The following TMF1 variants were observed in gnomAD, a reference collection of about 807,000 sequenced individuals.
The protein encoded by TMF1 is TATA element modulatory factor.
In TMF1, 71 loss-of-function variants were observed where a neutral mutation model predicts 126.5. The observed-to-expected ratio is 0.56, with a 90% CI of 0.46 to 0.68. The LOEUF (loss-of-function observed/expected upper bound fraction) is 0.68. Ranked by LOEUF, TMF1 falls within the 30% of genes least tolerant of loss-of-function variation. The pLI is 0.00. For missense variants in TMF1, 1,259 were observed against 1,253.2 expected (o/e 1.00, Z -0.07); for synonymous variants, 461 against 430.5 (o/e 1.07, Z -0.88).
chr3:69,032,257 A>G (rs1181989542), intron 10 of TMF1, among the ~76,000 whole-genome samples: 1 of 152,170 alleles, frequency 6.6e-6, no homozygotes, highest in Non-Finnish European at 1.5e-5. Flanking sequence ...TCACTAATCT[A>G]GTTCACCCCC....
intron 9 of TMF1, 45 bp downstream of exon 9, chr3:69,034,978 A>G: frequency 2.3e-5 from 35 of 1,518,934 alleles, no homozygotes; most frequent in Non-Finnish European, 3.2e-5. Context: ...TTTCTAGAAA[A>G]ACACATACTT....
chr3:69,020,424 T>C lies in TMF1; in HGVS notation c.*2753A>G, dbSNP rs1559626482. 6.6e-6 allele frequency: 1 copy of C among 152,174 alleles called. No individual in the cohort carries two copies. The highest frequency in any genetic ancestry group is 1.5e-5 in the Non-Finnish European group (1 of 68,000). The allele number at this position is 152,174 out of a possible 1,614,324, so 9.4% of individuals were successfully genotyped here. A position where few individuals can be genotyped will look rare whatever the true frequency, so the allele number is the denominator to read the frequency against. On this transcript the variant is annotated 3_prime_UTR_variant, in exon 17 of 17. Coordinates refer to ENST00000398559, the MANE Select transcript of TMF1 (RefSeq NM_007114.3). The stretch of plus-strand genomic sequence containing the variant: ...AAGGACATCTACAGTCTGTGCTTAA[T>C]TGTCTATAAATGACCAAACAACCTT...
chr3:69,044,026 A>G (rs924887870), intron 3 of TMF1, 150 bp from the exon 4 acceptor site: 1 of 521,388 alleles, frequency 1.9e-6, no homozygotes, highest in East Asian at 3.5e-5. Context: ...TTTAAGAAAA[A>G]AAAAGGAAAT....
rs922754371 is a variant in TMF1 at position 69,052,232 on chromosome 3, G to A, written c.-146C>T. ...GGCCATTACCCCGACAGCCTCCCGC[G>A]AGCCCGGGATGTTACCCTCGGCCGT... On this transcript the variant is annotated 5_prime_UTR_variant, in exon 1 of 17. Transcript: ENST00000398559. 1.2e-5 allele frequency: 11 copies of A among 892,750 alleles called. No individual in the cohort carries two copies. Among genetic ancestry groups the A allele is most frequent in the South Asian group, 1.9e-5 (1 of 53,370 alleles). The allele number at this position is 892,750 out of a possible 1,614,324, so 55.3% of individuals were successfully genotyped here.
In TMF1 at chr3:69,048,551, G is replaced by A; in HGVS notation, c.154C>T (p.Pro52Ser). The change falls in exon 2 of 17, where the codon CCT (proline) becomes TCT (serine). Residue 52 changes from proline to serine, a missense_variant. Transcript: ENST00000398559. The stretch of plus-strand genomic sequence containing the variant: ...GAAGTATCCCATCCTCCACTGACAG[G>A]GGAACTTATTCCTTTAACAAAAAAG... The part of the protein sequence containing the change: ...IPYGEPGISS[P>S]VSGGWDTSTW... 1.3e-6 allele frequency: 2 copies of A among 1,586,736 alleles called. No individual in the cohort carries two copies. Among genetic ancestry groups the A allele is most frequent in the Non-Finnish European group, 1.7e-6 (2 of 1,167,724 alleles).
intron 8 of TMF1, among the ~76,000 whole-genome samples, chr3:69,037,478 A>G (rs898648435): frequency 3.3e-5 from 5 of 149,664 alleles, no homozygotes; most frequent in Non-Finnish European, 5.9e-5. Flanking sequence ...CGTCTCTACT[A>G]AAAAAAAACA....
In TMF1 at chr3:69,047,656, C is replaced by A; in HGVS notation, c.1049G>T (p.Gly350Val). Residue 350 changes from glycine (G) to valine (V), a missense_variant, in exon 2 of 17, where the codon GGC becomes GTC. By Grantham distance (109) the Gly-to-Val change is moderately radical. Coordinates refer to ENST00000398559, the MANE Select transcript of TMF1 (RefSeq NM_007114.3). Reference protein sequence around the residue: ...SEINSDDELSGKGYALVPIIV... With the variant: ...SEINSDDELSVKGYALVPIIV... ...AATAGGCACTAAAGCATATCCCTTG[C>A]CTGACAATTCATCATCTGAATTGAT... is the stretch of plus-strand genomic sequence containing the variant. The A allele has an allele frequency of 6.2e-7, 1 of 1,614,096 alleles. No homozygotes were observed. The highest frequency in any genetic ancestry group is 8.5e-7 in the Non-Finnish European group (1 of 1,180,010).
At position 69,048,389 on chromosome 3, in the gene TMF1, C is replaced by T. The variant is rs750536810; in HGVS notation, c.316G>A (p.Val106Ile). The change falls in exon 2 of 17, where the codon GTC becomes ATC. Residue 106 changes from valine (V) to isoleucine (I), a missense_variant. Val to Ile is a conservative substitution (Grantham distance 29). Coordinates refer to ENST00000398559, the MANE Select transcript of TMF1 (RefSeq NM_007114.3). Reference protein sequence around the residue: ...FFSAFLSPTDVQTIQKSPVVS... With the variant: ...FFSAFLSPTDIQTIQKSPVVS... ...ACTGGACTCTTCTGAATGGTCTGGA[C>T]ATCAGTTGGCGAGAGAAAGGCACTG... is the stretch of plus-strand genomic sequence containing the variant. 1 of 1,614,126 alleles carries T rather than the reference C, an allele frequency of 6.2e-7. No homozygotes were observed. Among genetic ancestry groups the T allele is most frequent in the Non-Finnish European group, 8.5e-7 (1 of 1,180,032 alleles).
rs765049560 is a variant in TMF1 at position 69,025,732 on chromosome 3, TCA to T, written c.2860-22_2860-21del. 6.2e-7 allele frequency: 1 copy of T among 1,605,240 alleles called. No individual in the cohort carries two copies. Among genetic ancestry groups the T allele is most frequent in the Non-Finnish European group, 8.5e-7 (1 of 1,176,022 alleles). On this transcript the variant is annotated intron_variant, in intron 14 of 16. Transcript: ENST00000398559. ...CTCATCCTATGTTAATTAAGAAAGT[TCA>T]CACAGTTACTCAGTTATCATAGCTT...
rs370138830 is a variant in TMF1, at chr3:69,024,074, T to C, written c.3119A>G (p.Lys1040Arg). The part of the protein sequence containing the change: ...ELEEKVKEIP[K>R]LRTQLRDLDQ... ...ACTTACTCTTAGCTGAGTTCTAAGT[T>C]TGGGTATCTCCTTCACCTTCTCTTC... The change falls in exon 16 of 17, where the codon AAA (lysine) becomes AGA (arginine). Residue 1040 changes from lysine (K) to arginine (R), a missense_variant. Physicochemically the swap from Lys to Arg is conservative, Grantham distance 26. Coordinates refer to ENST00000398559, the MANE Select transcript of TMF1 (RefSeq NM_007114.3). 6.8e-6 allele frequency: 11 copies of C among 1,608,254 alleles called. No homozygotes were observed. Among genetic ancestry groups the C allele is most frequent in the African/African-American group, 6.7e-5 (5 of 74,700 alleles).
In TMF1 at chr3:69,020,706, T is replaced by G. The variant is rs2091724565; in HGVS notation, c.*2471A>C. On this transcript the variant is annotated 3_prime_UTR_variant, in exon 17 of 17. Transcript: ENST00000398559. Reference sequence around the variant, plus strand: ...TTTAACTTACAGAAGTATTGAGAGATCCAAGTGTTTAACAATCAAAATATG... The same window carrying G: ...TTTAACTTACAGAAGTATTGAGAGAGCCAAGTGTTTAACAATCAAAATATG... 6.6e-6 allele frequency: 1 copy of G among 152,126 alleles called. No homozygotes were observed. The highest frequency in any genetic ancestry group is 6.5e-5 in the Admixed American group (1 of 15,268). The allele number at this position is 152,126 out of a possible 1,614,324, so 9.4% of individuals were successfully genotyped here. A position where few individuals can be genotyped will look rare whatever the true frequency, so the allele number is the denominator to read the frequency against.
Position 69,042,824 on chromosome 3 carries a change from C to T in TMF1, c.1667G>A (p.Arg556Gln), listed in dbSNP as rs2091875131. 10 of 1,613,534 alleles carry T rather than the reference C, an allele frequency of 6.2e-6. No individual in the cohort carries two copies. The East Asian group carries it at 8.9e-5, about 14-fold the overall frequency. ...DLLKEKDEQIRGLMEEGEKLS... is the reference protein window; with the variant it reads ...DLLKEKDEQIQGLMEEGEKLS... ...ATACGCACCTTCTTCCATTAACCCT[C>T]GGATCTGCTCATCTTTCTCTTTCAA... is the stretch of plus-strand genomic sequence containing the variant. Residue 556 changes from arginine (R) to glutamine (Q), a missense_variant, in exon 5 of 17, where the codon CGA becomes CAA. By Grantham distance (43) the Arg-to-Gln change is conservative. Transcript: ENST00000398559.
chr3:69,038,629 G>C lies in TMF1; in HGVS notation c.2086C>G (p.Leu696Val), dbSNP rs1435542673. Reference protein sequence around the residue: ...LSREMKAKEELSAALEKAQEE... With the variant: ...LSREMKAKEEVSAALEKAQEE... The stretch of plus-strand genomic sequence containing the variant: ...TGGGCCTTCTCTAATGCTGCAGAAA[G>C]TTCTTCTTTAGCTTTCATTTCACGG... Residue 696 changes from leucine to valine, a missense_variant, in exon 8 of 17, where the codon CTT becomes GTT. Physicochemically the swap from Leu to Val is conservative, Grantham distance 32 (BLOSUM62 1). Transcript: ENST00000398559. 2 of 1,614,040 alleles carry C rather than the reference G, an allele frequency of 1.2e-6. No individual in the cohort carries two copies. The highest frequency in any genetic ancestry group is 1.7e-6 in the Non-Finnish European group (2 of 1,180,012).
rs1438426413 is a variant in TMF1 at position 69,048,094 on chromosome 3, T to C, written c.611A>G (p.Lys204Arg). 3 of 1,614,202 alleles carry C rather than the reference T, an allele frequency of 1.9e-6. No homozygotes were observed. The highest frequency in any genetic ancestry group is 2.2e-5 in the South Asian group (2 of 91,088). ...LKVSESVIDVKTTMESISNTS... is the reference protein window; with the variant it reads ...LKVSESVIDVRTTMESISNTS... ...ATTAGATATACTTTCCATAGTTGTTTTCACATCAATTACACTTTCAGATAC... is the reference window on the plus strand; with the variant it reads ...ATTAGATATACTTTCCATAGTTGTTCTCACATCAATTACACTTTCAGATAC... Residue 204 changes from lysine to arginine, a missense_variant, in exon 2 of 17, where the codon AAA (lysine) becomes AGA (arginine). Lys to Arg is a conservative substitution (Grantham distance 26). Coordinates refer to ENST00000398559, the MANE Select transcript of TMF1 (RefSeq NM_007114.3).
intron 4 of TMF1, among the ~76,000 whole-genome samples, chr3:69,043,273 G>A (rs1179603841): frequency 6.6e-6 from 1 of 152,110 alleles, no homozygotes; most frequent in Non-Finnish European, 1.5e-5. Context: ...AGGCTCAGGT[G>A]ATCCTCCCAC....
chr3:69,020,051 T>TAAACATACAGTATTAA lies in TMF1; in HGVS notation c.*3110_*3125dup, dbSNP rs1405162404. On this transcript the variant is annotated 3_prime_UTR_variant, in exon 17 of 17. Coordinates refer to ENST00000398559, the MANE Select transcript of TMF1 (RefSeq NM_007114.3). ...CACTAGAACATAAATGTATACGTAC[T>TAAACATACAGTATTAA]AAACATACAGTATTAAAACAAGATA... The TAAACATACAGTATTAA allele has an allele frequency of 5.3e-5, 8 of 152,128 alleles. No individual in the cohort carries two copies. Among genetic ancestry groups the TAAACATACAGTATTAA allele is most frequent in the Non-Finnish European group, 1.0e-4 (7 of 67,978 alleles). The allele number at this position is 152,128 out of a possible 1,614,324, so 9.4% of individuals were successfully genotyped here.
rs750924359 is a variant in TMF1, at chr3:69,048,553, G to C, written c.152C>G (p.Ser51Cys). 7 of 1,578,246 alleles carry C rather than the reference G, an allele frequency of 4.4e-6. No individual in the cohort carries two copies. Among genetic ancestry groups the C allele is most frequent in the Non-Finnish European group, 4.3e-6 (5 of 1,164,628 alleles). Residue 51 changes from serine (S) to cysteine (C), a missense_variant, in exon 2 of 17, where the codon TCC becomes TGC. Transcript: ENST00000398559. ...AGTATCCCATCCTCCACTGACAGGG[G>C]AACTTATTCCTTTAACAAAAAAGTA... Reference protein sequence around the residue: ...TIPYGEPGISSPVSGGWDTST... With the variant: ...TIPYGEPGISCPVSGGWDTST...
At position 69,048,543 on chromosome 3, in the gene TMF1, A is replaced by G. The variant is rs954022493; in HGVS notation, c.162T>C (p.Ser54=). The G allele has an allele frequency of 3.4e-5, 54 of 1,601,354 alleles. No individual in the cohort carries two copies. The highest frequency in any genetic ancestry group is 4.5e-5 in the Non-Finnish European group (53 of 1,173,808). ...CCCAGGTTGAAGTATCCCATCCTCCACTGACAGGGGAACTTATTCCTTTAA... is the reference window on the plus strand; with the variant it reads ...CCCAGGTTGAAGTATCCCATCCTCCGCTGACAGGGGAACTTATTCCTTTAA... ...YGEPGISSPV[S]GGWDTSTWGL... The change falls in exon 2 of 17, where the codon AGT becomes AGC. Residue 54 remains serine (S), a synonymous_variant. Coordinates refer to ENST00000398559, the MANE Select transcript of TMF1 (RefSeq NM_007114.3).
intron 6 of TMF1, among the ~76,000 whole-genome samples, chr3:69,039,299 G>A (rs1048952614): frequency 2.6e-5 from 4 of 152,052 alleles, no homozygotes; most frequent in East Asian, 1.9e-4. Flanking sequence ...ACAGGGTTTC[G>A]CCTTGTTGAC....
Sources: gnomAD v4.1 joint callset for allele counts (sites outside exome capture counted in the v4.1 genomes callset) on GRCh38, gnomAD v4.1.1 for gene constraint, MANE v1.5 for transcripts, NCBI Gene and HGNC (gene_info 2026-07-23, HGNC 2026-07-21) for gene names.